Variants in THAP4 observed in about 807,000 individuals in gnomAD.
THAP4 encodes peroxynitrite isomerase THAP4.
THAP4 carries 18 observed loss-of-function variants against 48.1 expected under a neutral mutation model. That is an observed-to-expected ratio of 0.37 (90% CI 0.26 to 0.56). The LOEUF is 0.56. Among genes scored for constraint, THAP4 ranks in the 20% least tolerant of loss-of-function variants. The pLI, the probability that THAP4 is intolerant of heterozygous loss-of-function variation, is 0.78. For missense variants in THAP4, 656 were observed against 774.9 expected (o/e 0.85, Z 1.82); for synonymous variants, 345 against 324.9 (o/e 1.06, Z -0.66).
Position 241,633,364 on chromosome 2 carries a change from C to T in THAP4, c.793G>A (p.Val265Met), listed in dbSNP as rs780291075. ...PIDRKRLKKD[V>M]EPSCSGSSLG... ...CTGCTCCCACTGCAGCTTGGTTCCA[C>T]ATCTTTCTTCAGCCTCTTGCGGTCA... The change falls in exon 2 of 6, where the codon GTG becomes ATG. Residue 265 changes from valine (V) to methionine (M), a missense_variant. Val to Met is a conservative substitution (Grantham distance 21, BLOSUM62 1). Around this residue, in one of 4 missense-constraint regions of THAP4, gnomAD observed 391 missense variants for 412.4 expected, o/e 0.95. Transcript: ENST00000407315. This position sits in a 1 kb window ranked among gnomAD's most constrained non-coding sequence, Gnocchi z 7.5. 2.5e-6 allele frequency: 4 copies of T among 1,613,052 alleles called. 1 individual carries two copies. In the South Asian group the frequency reaches 3.3e-5, roughly 13 times the overall value.
chr2:241,617,111 G>A (rs2067358522), intron 2 of THAP4, among the ~76,000 whole-genome samples: 1 of 152,156 alleles, frequency 6.6e-6, no homozygotes, highest in African/African-American at 2.4e-5. Flanking sequence ...CTTGAGCCTA[G>A]ATATATGTTA....
chr2:241,602,864 G>T (rs541476883), intron 4 of THAP4, 106 bp downstream of exon 4: 2 of 871,168 alleles, frequency 2.3e-6, no homozygotes, highest in East Asian at 2.5e-5. Context: ...GTCCCCACCA[G>T]CACATGCCTC....
At chr2:241,594,525 G>C (rs2067025102) in intron 5 of THAP4, 1 of 278,246 alleles carries the variant, frequency 3.6e-6, no homozygotes, top group African/African-American at 2.2e-5. Flanking sequence ...AGGAGTTCAA[G>C]ACCTGCCTGG....
At chr2:241,613,249 TC>T (rs1179450895) in intron 2 of THAP4, among the ~76,000 whole-genome samples, 2 of 141,964 alleles carry the variant, frequency 1.4e-5, no homozygotes, top group East Asian at 4.1e-4. Flanking sequence ...GAAAGAAACC[TC>T]CGTAAACACT....
chr2:241,584,508 CG>C lies in THAP4; in HGVS notation c.*97del. Reference sequence around the variant, plus strand: ...ACACTCTTGAGCCTGCAGAGGCTCACGGCCACACCCACTTCTGCCGCAGGGA... The same window carrying C: ...ACACTCTTGAGCCTGCAGAGGCTCACGCCACACCCACTTCTGCCGCAGGGA... On this transcript the variant is annotated 3_prime_UTR_variant, in exon 6 of 6. Coordinates refer to ENST00000407315, the MANE Select transcript of THAP4 (RefSeq NM_015963.6). 1 of 1,373,910 alleles carries C rather than the reference CG, an allele frequency of 7.3e-7. No homozygotes were observed. Among genetic ancestry groups the C allele is most frequent in the Non-Finnish European group, 1.0e-6 (1 of 975,888 alleles). 85.1% of individuals were successfully genotyped at this position (1,373,910 alleles called of 1,614,324 possible).
intron 2 of THAP4, among the ~76,000 whole-genome samples, chr2:241,609,075 C>T (rs1172927927): frequency 2.6e-5 from 4 of 152,166 alleles, no homozygotes; most frequent in African/African-American, 9.7e-5. Context: ...GTGGGAGGGA[C>T]GAGGTCTCTG....
At chr2:241,585,935 A>AAAAAAAAAAAAAAAAAAAAAAG (rs1553553075) in intron 5 of THAP4, among the ~76,000 whole-genome samples, 2 of 146,896 alleles carry the variant, frequency 1.4e-5, no homozygotes, top group Non-Finnish European at 3.0e-5. Context: ...AAAAAGAAAA[A>AAAAAAAAAAAAAAAAAAAAAAG]AAAAAGAAAA....
chr2:241,609,333 G>A (rs372870229), intron 2 of THAP4, among the ~76,000 whole-genome samples: 1 of 152,246 alleles, frequency 6.6e-6, no homozygotes, highest in East Asian at 1.9e-4. Flanking sequence ...GGAAGAATGA[G>A]AAGAACCTTG....
Position 241,601,691 on chromosome 2 carries a change from AC to A in THAP4, c.1614+204del. On this transcript the variant is annotated intron_variant, in intron 5 of 5. Coordinates refer to ENST00000407315, the MANE Select transcript of THAP4 (RefSeq NM_015963.6). The surrounding 1 kb of genome is among the most constrained non-coding windows in gnomAD (Gnocchi z 4.0). ...AAACAACAAACCTCAAAAAAACCAC[AC>A]CACTGACCAGCCGAGGAGGGGGCAA... The A allele has an allele frequency of 1.1e-6, 1 of 892,352 alleles. No homozygotes were observed. The highest frequency in any genetic ancestry group is 1.6e-6 in the Non-Finnish European group (1 of 609,688). 55.3% of individuals were successfully genotyped at this position (892,352 alleles called of 1,614,324 possible). A position where few individuals can be genotyped will look rare whatever the true frequency, so the allele number is the denominator to read the frequency against.
rs761530665 is a variant in THAP4, at chr2:241,584,604, GT to G, written c.*1del. 4 of 1,611,216 alleles carry G rather than the reference GT, an allele frequency of 2.5e-6. No individual in the cohort carries two copies. The highest frequency in any genetic ancestry group is 3.4e-6 in the Non-Finnish European group (4 of 1,180,014). On this transcript the variant is annotated 3_prime_UTR_variant, in exon 6 of 6. Transcript: ENST00000407315. The stretch of plus-strand genomic sequence containing the variant: ...CTCCCGAGGGCTCCAGAAGCTCTAG[GT>G]TTACGGGGTCACCTTCTTGTAGGTG...
rs1052227163 is a variant in THAP4, at chr2:241,611,440, C to T, written c.1241-4967G>A. 7.2e-5 allele frequency among the ~76,000 whole-genome samples: 11 copies of T among 152,322 alleles called. 1 individual carries two copies. Among genetic ancestry groups the T allele is most frequent in the Middle Eastern group, 3.4e-3 (1 of 294 alleles). ...CCACTCCGAAAGAAAGGGGTGCTGC[C>T]GGCTGGACGCAGTGGCTCACGCCTA... On this transcript the variant is annotated intron_variant, in intron 2 of 5. Coordinates refer to ENST00000407315, the MANE Select transcript of THAP4 (RefSeq NM_015963.6).
intron 2 of THAP4, among the ~76,000 whole-genome samples, chr2:241,615,896 G>A (rs557506352): frequency 6.6e-6 from 1 of 152,330 alleles, no homozygotes; most frequent in South Asian, 2.1e-4. Flanking sequence ...TTCTGAGTAG[G>A]TTTCGCGTTC....
chr2:241,628,263 G>C (rs745562933), intron 2 of THAP4, among the ~76,000 whole-genome samples: 1 of 151,854 alleles, frequency 6.6e-6, no homozygotes, highest in Non-Finnish European at 1.5e-5. Context: ...CTCCTGGGCC[G>C]GGCACTGAAG....
intron 2 of THAP4, among the ~76,000 whole-genome samples, chr2:241,609,300 CA>C (rs1477983084): frequency 6.6e-6 from 1 of 152,172 alleles, no homozygotes; most frequent in African/African-American, 2.4e-5. Flanking sequence ...ATTGAGAAGA[CA>C]AGTTACCATT....
chr2:241,610,287 A>T lies in THAP4; in HGVS notation c.1241-3814T>A, dbSNP rs6709901. ...CAGCCTCCGCCGGCCCCGCCCCGGA[A>T]GCGCAGCCCCGCCTCAGGCGCCGCA... On this transcript the variant is annotated intron_variant, in intron 2 of 5. Coordinates refer to ENST00000407315, the MANE Select transcript of THAP4 (RefSeq NM_015963.6). This position sits in a 1 kb window ranked among gnomAD's most constrained non-coding sequence, Gnocchi z 4.2. Among the ~76,000 whole-genome samples, 983 of 152,044 alleles carry T rather than the reference A, an allele frequency of 6.5e-3. 16 individuals are homozygous for T. The highest frequency in any genetic ancestry group is 0.023 in the African/African-American group (934 of 41,474).
rs2067233418 is a variant in THAP4 at position 241,609,420 on chromosome 2, C to T, written c.1241-2947G>A. On this transcript the variant is annotated intron_variant, in intron 2 of 5. Transcript: ENST00000407315. ...ATGGGCTAAACAAACACCATAATTT[C>T]TCAGACAGCCAGCTATAGCCTTGGA... is the stretch of plus-strand genomic sequence containing the variant. Among the ~76,000 whole-genome samples, 2 of 152,232 alleles carry T rather than the reference C, an allele frequency of 1.3e-5. 1 individual carries two copies. The highest frequency in any genetic ancestry group is 4.1e-4 in the South Asian group (2 of 4,836).
At chr2:241,603,898 A>G (rs1236270562) in intron 3 of THAP4, among the ~76,000 whole-genome samples, 2 of 152,084 alleles carry the variant, frequency 1.3e-5, no homozygotes, top group Non-Finnish European at 2.9e-5. Context: ...CAAGGCCGTA[A>G]TCCCAGCACT....
intron 5 of THAP4, among the ~76,000 whole-genome samples, chr2:241,593,103 G>C (rs766190761): frequency 3.9e-5 from 6 of 152,030 alleles, no homozygotes; most frequent in Non-Finnish European, 8.8e-5. Flanking sequence ...AAATTAGCGG[G>C]GAGTGGTGGT....
intron 2 of THAP4, among the ~76,000 whole-genome samples, chr2:241,624,358 G>A (rs1382086801): frequency 4.6e-5 from 7 of 151,888 alleles, no homozygotes; most frequent in African/African-American, 7.3e-5. Context: ...GTGGTGGCGC[G>A]TGCCTGTACT....
Sources: allele counts gnomAD v4.1 joint callset (sites outside exome capture counted in the v4.1 genomes callset), GRCh38; gene constraint gnomAD v4.1.1; regional missense constraint gnomAD v4.1.1; non-coding constraint Gnocchi (gnomAD v3.1); transcripts MANE v1.5; gene names NCBI Gene and HGNC (gene_info 2026-07-23, HGNC 2026-07-21).